SPIRE2: variants seen among roughly 807,000 people sequenced by gnomAD.
SPIRE2 encodes spire type actin nucleation factor 2, also known as protein spire homolog 2.
Under a neutral mutation model 80.7 loss-of-function variants are expected in SPIRE2, and 76 were observed. That is an observed-to-expected ratio of 0.94 (90% CI 0.78 to 1.14). The LOEUF (loss-of-function observed/expected upper bound fraction) is 1.14. SPIRE2 is among the 50% of genes most tolerant of loss of function. The pLI is 0.00. For missense variants in SPIRE2, 1,196 were observed against 1,015.3 expected, an observed-to-expected ratio of 1.18 and a Z score of -2.42; for synonymous variants, 535 against 432.6, an observed-to-expected ratio of 1.24 and a Z score of -2.94.
chr16:89,869,725 G>C (rs12925825), intron 14 of SPIRE2, 43 bp downstream of exon 14: 2 of 1,492,988 alleles, frequency 1.3e-6, no homozygotes, highest in African/African-American at 1.4e-5. Flanking sequence ...TGGTGGTCGG[G>C]CGTGAAGAGG....
At chr16:89,832,800 T>G (rs923882261) in intron 1 of SPIRE2, among the ~76,000 whole-genome samples, 1 of 152,018 alleles carries the variant, frequency 6.6e-6, no homozygotes, top group African/African-American at 2.4e-5. Context: ...TTTGCTCCTC[T>G]GATGAAGGGC....
intron 5 of SPIRE2, 117 bp from the exon 6 acceptor site, chr16:89,855,483 T>C (rs1373589337): frequency 1.2e-6 from 1 of 807,858 alleles, no homozygotes; most frequent in African/African-American, 1.7e-5. Flanking sequence ...GAGCAAAGAG[T>C]GGGAGGGCGG....
chr16:89,867,227 T>G (rs982583379), intron 12 of SPIRE2, among the ~76,000 whole-genome samples: 1 of 150,170 alleles, frequency 6.7e-6, no homozygotes, highest in Admixed American at 6.6e-5. Context: ...TCACTGCAAC[T>G]TCCGCCTCCT....
chr16:89,863,814 C>G lies in SPIRE2; in HGVS notation c.1731C>G (p.Ala577=). ...GACAGATTTGCTGCTGCTGCCGGGC[C>G]AAGTTCCCGCTGTTCTCGTGGCCGC... ...KKGKICCCCR[A]KFPLFSWPPS... Residue 577 remains alanine, a synonymous_variant, in exon 12 of 15, where the codon GCC becomes GCG. Coordinates refer to ENST00000378247, the MANE Select transcript of SPIRE2 (RefSeq NM_032451.2). This position sits in a 1 kb window ranked among gnomAD's most constrained non-coding sequence, Gnocchi z 4.3. 1.2e-6 allele frequency: 2 copies of G among 1,614,056 alleles called. No homozygotes were observed. Among genetic ancestry groups the G allele is most frequent in the Non-Finnish European group, 1.7e-6 (2 of 1,179,976 alleles).
At chr16:89,855,486 G>C in intron 5 of SPIRE2, 114 bp from the exon 6 acceptor site, 1 of 838,452 alleles carries the variant, frequency 1.2e-6, no homozygotes, top group Non-Finnish European at 1.9e-6. Flanking sequence ...CAAAGAGTGG[G>C]AGGGCGGGTA....
chr16:89,829,201 G>A (rs899001147), intron 1 of SPIRE2, among the ~76,000 whole-genome samples: 1 of 152,182 alleles, frequency 6.6e-6, no homozygotes, highest in African/African-American at 2.4e-5. Flanking sequence ...GTCCCCTTGG[G>A]GCATTTTCTC....
intron 2 of SPIRE2, chr16:89,845,651 C>T (rs997022819): frequency 1.4e-5 from 10 of 699,214 alleles, no homozygotes; most frequent in East Asian, 2.7e-5. Context: ...GCACAGCTGA[C>T]GTCTGCAGGG....
intron 12 of SPIRE2, among the ~76,000 whole-genome samples, chr16:89,864,499 G>A (rs1246471153): frequency 8.5e-5 from 13 of 152,142 alleles, no homozygotes; most frequent in African/African-American, 2.9e-4. Context: ...TTTATTACTC[G>A]CTCAGCCACG....
At chr16:89,837,805 G>A (rs2041464744) in intron 1 of SPIRE2, among the ~76,000 whole-genome samples, 1 of 152,168 alleles carries the variant, frequency 6.6e-6, no homozygotes, top group South Asian at 2.1e-4. Flanking sequence ...GAACGAGTGG[G>A]TTGGTCTCAG....
Position 89,868,202 on chromosome 16 carries a change from T to A in SPIRE2, c.1792T>A (p.Ser598Thr), listed in dbSNP as rs1351334131. The A allele has an allele frequency of 1.2e-6, 2 of 1,613,912 alleles. No individual in the cohort carries two copies. Among genetic ancestry groups the A allele is most frequent in the East Asian group, 2.2e-5 (1 of 44,888 alleles). The change falls in exon 13 of 15, where the codon TCC becomes ACC. Residue 598 changes from serine (S) to threonine (T), a missense_variant. Transcript: ENST00000378247. ...GTTCCCTTCCAGAGCCGTCTGCACT[T>A]CCTGTAGCATAAAGGTGAGGACCAT... ...CLFCKRAVCT[S>T]CSIKMKMPSK...
At chr16:89,847,454 A>G (rs540094943) in intron 2 of SPIRE2, among the ~76,000 whole-genome samples, 1 of 152,304 alleles carries the variant, frequency 6.6e-6, no homozygotes, top group African/African-American at 2.4e-5. Context: ...GCTGCTGCCT[A>G]CCGCCTGGAA....
intron 3 of SPIRE2, among the ~76,000 whole-genome samples, chr16:89,851,262 C>A (rs1189670728): frequency 6.6e-6 from 1 of 152,200 alleles, no homozygotes; most frequent in African/African-American, 2.4e-5. Flanking sequence ...AGAGAGCGCC[C>A]TTCCTCCTGC....
At chr16:89,845,036 G>T (rs2041544818) in intron 1 of SPIRE2, among the ~76,000 whole-genome samples, 1 of 152,200 alleles carries the variant, frequency 6.6e-6, no homozygotes, top group African/African-American at 2.4e-5. Context: ...CTGCTGCGTG[G>T]GGCACTGGGG....
chr16:89,834,233 C>T (rs963645142), intron 1 of SPIRE2, among the ~76,000 whole-genome samples: 2 of 136,874 alleles, frequency 1.5e-5, no homozygotes, highest in Admixed American at 7.4e-5. Flanking sequence ...CACGGTTGGC[C>T]GTCGTAGAAG....
At position 89,833,667 on chromosome 16, in the gene SPIRE2, G is replaced by T. The variant is rs146860831; in HGVS notation, c.244+4873G>T. Among the ~76,000 whole-genome samples, 26 of 152,312 alleles carry T rather than the reference G, an allele frequency of 1.7e-4. No homozygotes were observed. The East Asian group carries it at 4.8e-3, about 28-fold the overall frequency. On this transcript the variant is annotated intron_variant, in intron 1 of 14. Transcript: ENST00000378247. ...TGGTGCTAACGTCTGTGCAGCCCTGGGCACGCCTGGCTCCGGAAGCACTGG... is the reference window on the plus strand; with the variant it reads ...TGGTGCTAACGTCTGTGCAGCCCTGTGCACGCCTGGCTCCGGAAGCACTGG...
intron 3 of SPIRE2, among the ~76,000 whole-genome samples, chr16:89,853,978 C>T (rs139322085): frequency 9.2e-5 from 14 of 152,364 alleles, no homozygotes; most frequent in African/African-American, 2.6e-4. Flanking sequence ...AGCAGCTCAG[C>T]GTAAAGGCCT....
chr16:89,866,423 G>A (rs1355856918), intron 12 of SPIRE2, among the ~76,000 whole-genome samples: 1 of 151,872 alleles, frequency 6.6e-6, no homozygotes, highest in Non-Finnish European at 1.5e-5. Flanking sequence ...TCAGCCTCCT[G>A]AGTAGCTGGC....
intron 5 of SPIRE2, among the ~76,000 whole-genome samples, chr16:89,855,205 C>T (rs765063139): frequency 3.3e-5 from 5 of 152,110 alleles, no homozygotes; most frequent in African/African-American, 7.2e-5. Flanking sequence ...CCCAAAGTGC[C>T]AGGATTACAG....
At chr16:89,854,774 T>A in intron 5 of SPIRE2, 123 bp downstream of exon 5, 1 of 1,018,026 alleles carries the variant, frequency 9.8e-7, no homozygotes, top group Non-Finnish European at 1.4e-6. Flanking sequence ...GTCCCTGCTC[T>A]CTGTGCTGGG....
Sources: allele counts gnomAD v4.1 joint callset (sites outside exome capture counted in the v4.1 genomes callset), GRCh38; gene constraint gnomAD v4.1.1; non-coding constraint Gnocchi (gnomAD v3.1); transcripts MANE v1.5; gene names NCBI Gene and HGNC (gene_info 2026-07-23, HGNC 2026-07-21).